The following PSMG2 variants were observed in gnomAD, a reference collection of about 807,000 sequenced individuals.
PSMG2 encodes the protein proteasome assembly chaperone 2.
A neutral mutation model predicts 31.5 loss-of-function variants in PSMG2; 21 were observed. The ratio of observed to expected loss-of-function variants is 0.67; its 90% CI spans 0.47 to 0.96. The LOEUF (loss-of-function observed/expected upper bound fraction) is 0.96. Ranked by LOEUF, PSMG2 falls within the 40% of genes least tolerant of loss-of-function variation. The pLI is 0.00. For missense variants in PSMG2, 318 were observed against 321.2 expected, an observed-to-expected ratio of 0.99 and a Z score of 0.08; for synonymous variants, 120 against 110.4, an observed-to-expected ratio of 1.09 and a Z score of -0.54.
chr18:12,678,008 C>G (rs2039206040), intron 1 of PSMG2: 1 of 855,960 alleles, frequency 1.2e-6, no homozygotes, highest in African/African-American at 1.7e-5. Context: ...TTGTTTTGTT[C>G]AGGGCTAGAA....
chr18:12,715,012 C>T (rs1002166661), intron 3 of PSMG2, among the ~76,000 whole-genome samples: 4 of 151,144 alleles, frequency 2.6e-5, no homozygotes, highest in Non-Finnish European at 2.9e-5. Context: ...CTGTGCCCGG[C>T]CCTCTTTTTT....
At chr18:12,665,987 G>A (rs1435734019) in intron 1 of PSMG2, among the ~76,000 whole-genome samples, 1 of 152,074 alleles carries the variant, frequency 6.6e-6, no homozygotes, top group Non-Finnish European at 1.5e-5. Flanking sequence ...GAGCCACCGT[G>A]CCCGGCCCAA....
upstream of PSMG2, chr18:12,702,969 C>T (rs1258833994): frequency 1.1e-6 from 1 of 948,676 alleles, no homozygotes; most frequent in Non-Finnish European, 1.5e-6. Context: ...GCTGGACGGG[C>T]CTCAAGGGCC....
chr18:12,661,519 C>T (rs938840457), intron 1 of PSMG2, among the ~76,000 whole-genome samples: 1 of 152,096 alleles, frequency 6.6e-6, no homozygotes, highest in Non-Finnish European at 1.5e-5. Flanking sequence ...TACCTGTAAT[C>T]CCAACACTTT....
intron 1 of PSMG2, among the ~76,000 whole-genome samples, chr18:12,667,225 C>CT (rs1461466027): frequency 6.6e-6 from 1 of 152,136 alleles, no homozygotes; most frequent in African/African-American, 2.4e-5. Flanking sequence ...CTTTGGGAGG[C>CT]TGAGTGAGGA....
intron 1 of PSMG2, chr18:12,665,180 T>G (rs1321514124): frequency 1.3e-5 from 2 of 152,136 alleles, no homozygotes; most frequent in Non-Finnish European, 2.9e-5. Flanking sequence ...TCCCTTTAAT[T>G]CAACTAGATG....
intron 2 of PSMG2, among the ~76,000 whole-genome samples, chr18:12,710,544 T>TC (rs547194008): frequency 2.1e-3 from 313 of 152,284 alleles, no homozygotes; most frequent in Non-Finnish European, 3.4e-3. Context: ...CCCTTTTTTT[T>TC]CATCACAAAC....
intron 1 of PSMG2, chr18:12,686,378 G>T (rs754147850): frequency 6.2e-7 from 1 of 1,613,974 alleles, no homozygotes; most frequent in South Asian, 1.1e-5. Context: ...GCTTGCCTTG[G>T]AGTATCAAGA....
At chr18:12,680,573 G>C in intron 1 of PSMG2, 1 of 992,964 alleles carries the variant, frequency 1.0e-6, no homozygotes, top group Non-Finnish European at 1.4e-6. Context: ...CTCCAGCCTG[G>C]GCGACAGAGC....
rs573585327 is a variant in PSMG2, at chr18:12,672,099, T to C, written c.-37+13326T>C. 3.4e-5 allele frequency among the ~76,000 whole-genome samples: 5 copies of C among 148,900 alleles called. No individual in the cohort carries two copies. In the Admixed American group the frequency reaches 3.4e-4, roughly 10 times the overall value. ...TCCCAAAGTGCTGGCATTACAGGTG[T>C]GAGCCACCATGCCTGGCCCTTTTTT... is the stretch of plus-strand genomic sequence containing the variant. On this transcript the variant is annotated intron_variant, in intron 1 of 6. Transcript: ENST00000585331.
chr18:12,669,188 C>T (rs2038877898), intron 1 of PSMG2, among the ~76,000 whole-genome samples: 1 of 151,252 alleles, frequency 6.6e-6, no homozygotes, highest in African/African-American at 2.4e-5. Context: ...TCTCAGCTCA[C>T]GGCAACCTCC....
At chr18:12,699,998 G>C (rs1220535086), upstream of PSMG2, 5 of 722,450 alleles carry the variant, frequency 6.9e-6, no homozygotes, top group Non-Finnish European at 1.1e-5. Flanking sequence ...TGAACCTAAA[G>C]TCAACAGGGT....
intron 2 of PSMG2, among the ~76,000 whole-genome samples, chr18:12,707,248 G>T (rs548945229): frequency 6.6e-6 from 1 of 152,110 alleles, no homozygotes; most frequent in South Asian, 2.1e-4. Flanking sequence ...GTGAGCCACC[G>T]TGCCCAGCCC....
rs116011755 is a variant in PSMG2 at position 12,677,299 on chromosome 18, G to A, written c.-37+18526G>A. Among the ~76,000 whole-genome samples, 1,401 of 151,910 alleles carry A rather than the reference G, an allele frequency of 9.2e-3. 28 individuals carry two copies. Among genetic ancestry groups the A allele is most frequent in the African/African-American group, 0.031 (1,294 of 41,434 alleles). On this transcript the variant is annotated intron_variant, in intron 1 of 6. Coordinates refer to the PSMG2 transcript ENST00000585331. ...TACAAAAAATACAAAAACTGGCAGC[G>A]TGGTAGCACATGTCTATAATCCCAG...
upstream of PSMG2, among the ~76,000 whole-genome samples, chr18:12,698,394 C>T (rs1396132267): frequency 2.0e-5 from 3 of 152,076 alleles, no homozygotes; most frequent in Non-Finnish European, 4.4e-5. Context: ...GTCTCAAACT[C>T]CTGACCTCAG....
intron 1 of PSMG2, among the ~76,000 whole-genome samples, chr18:12,662,595 A>T (rs966379428): frequency 6.6e-6 from 1 of 152,118 alleles, no homozygotes; most frequent in African/African-American, 2.4e-5. Context: ...GGGCAATGTG[A>T]TGAAAATCCA....
chr18:12,723,228 A>G (rs970645968), intron 5 of PSMG2, among the ~76,000 whole-genome samples: 19 of 151,986 alleles, frequency 1.3e-4, no homozygotes, highest in African/African-American at 4.4e-4. Flanking sequence ...AAGTTTTGGC[A>G]TGGCATTTTT....
At chr18:12,681,370 C>G (rs2039344393) in intron 1 of PSMG2, among the ~76,000 whole-genome samples, 1 of 151,094 alleles carries the variant, frequency 6.6e-6, no homozygotes, top group Non-Finnish European at 1.5e-5. Flanking sequence ...TCTCAGCCTC[C>G]CAAGTAGCTG....
intron 1 of PSMG2, chr18:12,678,049 A>G: frequency 7.2e-7 from 1 of 1,385,298 alleles, no homozygotes. Flanking sequence ...CACACCAAAA[A>G]ACAGTTAAAT....
Sources: gnomAD v4.1 joint callset for allele counts (sites outside exome capture counted in the v4.1 genomes callset) on GRCh38, gnomAD v4.1.1 for gene constraint, MANE v1.5 for transcripts, NCBI Gene and HGNC (gene_info 2026-07-23, HGNC 2026-07-21) for gene names.